The following ANO3 variants were observed in gnomAD, a reference collection of about 807,000 sequenced individuals.
ANO3 encodes the protein anoctamin 3, also known as anoctamin-3.
In ANO3, 99 loss-of-function variants were observed where a neutral mutation model predicts 144.8. The ratio of observed to expected loss-of-function variants is 0.68; its 90% CI spans 0.58 to 0.81. ANO3 has a LOEUF of 0.81. Ranked by LOEUF, ANO3 falls within the 30% of genes least tolerant of loss-of-function variation. The pLI, the probability that ANO3 is intolerant of heterozygous loss-of-function variation, is 0.00. For synonymous variants in ANO3, 414 were observed against 392.6 expected, an observed-to-expected ratio of 1.05 and a Z score of -0.64; for missense variants, 905 against 1,202.2, an observed-to-expected ratio of 0.75 and a Z score of 3.66.
At chr11:26,370,136 A>G (rs896498340) in intron 1 of ANO3, among the ~76,000 whole-genome samples, 7 of 152,208 alleles carry the variant, frequency 4.6e-5, no homozygotes, top group Non-Finnish European at 8.8e-5. Context: ...TGTAGTTCCC[A>G]TAATCTCCAC....
chr11:26,525,777 G>A (rs982030365), intron 7 of ANO3, 98 bp downstream of exon 7: 2 of 851,560 alleles, frequency 2.3e-6, no homozygotes, highest in Admixed American at 6.2e-5. Context: ...TAAATCATAG[G>A]AAGAAAAATT....
chr11:26,347,589 T>C (rs1229876822), intron 1 of ANO3, among the ~76,000 whole-genome samples: 1 of 152,012 alleles, frequency 6.6e-6, no homozygotes, highest in African/African-American at 2.4e-5. Context: ...GTTCCCATGG[T>C]GAAAATTAGT....
At chr11:26,656,299 T>G in intron 25 of ANO3, 77 bp from the exon 26 acceptor site, 1 of 1,484,264 alleles carries the variant, frequency 6.7e-7, no homozygotes, top group East Asian at 2.3e-5. Context: ...TATTTTGGCA[T>G]TTTGGCAAAT....
chr11:26,556,512 C>T (rs1850086621), intron 13 of ANO3, among the ~76,000 whole-genome samples: 1 of 151,416 alleles, frequency 6.6e-6, no homozygotes. Context: ...TCATCTAGAA[C>T]ATTTGTTAAA....
At chr11:26,253,653 C>A (rs1258030464) in intron 1 of ANO3, among the ~76,000 whole-genome samples, 2 of 151,456 alleles carry the variant, frequency 1.3e-5, no homozygotes, top group African/African-American at 4.9e-5. Context: ...ATCAAGGAAT[C>A]AAATGTTTGT....
intron 1 of ANO3, among the ~76,000 whole-genome samples, chr11:26,409,822 G>A (rs1857384300): frequency 6.6e-6 from 1 of 151,962 alleles, no homozygotes; most frequent in Non-Finnish European, 1.5e-5. Context: ...CTAGCAAAAT[G>A]ATGTAGTAAT....
intron 4 of ANO3, among the ~76,000 whole-genome samples, chr11:26,488,472 T>C (rs544537300): frequency 5.9e-5 from 9 of 152,230 alleles, no homozygotes; most frequent in Admixed American, 2.0e-4. Context: ...GGGACCCTTG[T>C]GGTGAGTGTT....
intron 23 of ANO3, among the ~76,000 whole-genome samples, chr11:26,644,480 G>A (rs1853274816): frequency 6.6e-6 from 1 of 152,104 alleles, no homozygotes; most frequent in Admixed American, 6.5e-5. Flanking sequence ...TTCTAGACTG[G>A]AGCACCTGTT....
intron 9 of ANO3, among the ~76,000 whole-genome samples, chr11:26,534,941 A>G (rs1271428497): frequency 6.6e-6 from 1 of 152,068 alleles, no homozygotes; most frequent in Non-Finnish European, 1.5e-5. Context: ...GGACTGAAAA[A>G]TAAGTTAGGC....
rs555408914 is a variant in ANO3, at chr11:26,492,739, A to G, written c.433-15365A>G. Among the ~76,000 whole-genome samples the G allele has an allele frequency of 2.0e-5, 3 of 152,336 alleles. No individual in the cohort carries two copies. The South Asian group carries it at 6.2e-4, about 32-fold the overall frequency. ...TTTCACCTATGCCTAAAATAGTAAAAGGACAGAAGAACACAAAATCAATTT... is the reference window on the plus strand; with the variant it reads ...TTTCACCTATGCCTAAAATAGTAAAGGGACAGAAGAACACAAAATCAATTT... On this transcript the variant is annotated intron_variant, in intron 4 of 26. Coordinates refer to ENST00000256737, the MANE Select transcript of ANO3 (RefSeq NM_031418.4).
chr11:26,541,976 AACC>A lies in ANO3; in HGVS notation c.1063_1065del (p.Thr355del), dbSNP rs1274258128. 1 of 1,612,256 alleles carries A rather than the reference AACC, an allele frequency of 6.2e-7. No individual in the cohort carries two copies. The highest frequency in any genetic ancestry group is 8.5e-7 in the Non-Finnish European group (1 of 1,178,896). ...CCTACAAAAGTAGCCAGCCCATTAA[AACC>A]CATGGACCTCAGAATAACAGACATC... On this transcript the variant is annotated inframe_deletion, in exon 11 of 27. Transcript: ENST00000256737.
chr11:26,404,225 A>G (rs74701995), intron 1 of ANO3, among the ~76,000 whole-genome samples: 1,955 of 151,960 alleles, frequency 0.013, 42 homozygotes, highest in African/African-American at 0.045. Context: ...AATGAATTAG[A>G]ACATGAAACT....
chr11:26,596,214 CTGTT>C (rs1851624054), intron 14 of ANO3, among the ~76,000 whole-genome samples: 1 of 152,148 alleles, frequency 6.6e-6, no homozygotes, highest in South Asian at 2.1e-4. Flanking sequence ...CTGTCTCTCT[CTGTT>C]TGACTCATCT....
chr11:26,350,090 G>A lies in ANO3; in HGVS notation c.46+17769G>A, dbSNP rs554830012. On this transcript the variant is annotated intron_variant, in intron 1 of 26. Transcript: ENST00000256737. ...GGAGACAGGAACGGAAGGGGGAGAAGAAAGAAACAGATCTATGTGGAGAAA... is the reference window on the plus strand; with the variant it reads ...GGAGACAGGAACGGAAGGGGGAGAAAAAAGAAACAGATCTATGTGGAGAAA... 1.6e-3 allele frequency among the ~76,000 whole-genome samples: 239 copies of A among 152,246 alleles called. 2 individuals are homozygous for A. Among genetic ancestry groups the A allele is most frequent in the African/African-American group, 5.6e-3 (232 of 41,532 alleles).
intron 20 of ANO3, among the ~76,000 whole-genome samples, chr11:26,636,471 A>T (rs989721720): frequency 7.9e-5 from 12 of 152,218 alleles, no homozygotes; most frequent in African/African-American, 2.9e-4. Context: ...TTGAGGGCTT[A>T]CTACATGCTA....
At chr11:26,343,340 A>G (rs1855413148) in intron 1 of ANO3, among the ~76,000 whole-genome samples, 1 of 152,218 alleles carries the variant, frequency 6.6e-6, no homozygotes, top group Admixed American at 6.5e-5. Flanking sequence ...TATTCTAAAT[A>G]ATGCTGCAGT....
chr11:26,397,874 A>AC (rs111252235), intron 1 of ANO3, among the ~76,000 whole-genome samples: 1 of 151,130 alleles, frequency 6.6e-6, no homozygotes, highest in Non-Finnish European at 1.5e-5. Flanking sequence ...ACACAGTAAG[A>AC]ATTTTTTTTG....
In ANO3 at chr11:26,586,503, C is replaced by CTTTTT. The variant is rs550057766; in HGVS notation, c.1448-11848_1448-11844dup. On this transcript the variant is annotated intron_variant, in intron 14 of 26. Transcript: ENST00000256737. ...AAGAAGGGGCTTCCCTGGTGAGAAT[C>CTTTTT]TTTTTTTTTTTTTTTTTTGAGACAT... 9.7e-3 allele frequency among the ~76,000 whole-genome samples: 788 copies of CTTTTT among 81,430 alleles called. 143 individuals are homozygous for CTTTTT. Among genetic ancestry groups the CTTTTT allele is most frequent in the African/African-American group, 0.029 (551 of 19,044 alleles). 53.4% of individuals were successfully genotyped at this position (81,430 alleles called of 152,430 possible). A position where few individuals can be genotyped will look rare whatever the true frequency, so the allele number is the denominator to read the frequency against.
chr11:26,382,014 TTCAC>T lies in ANO3; in HGVS notation c.46+49696_46+49699del, dbSNP rs768185962. 4.6e-5 allele frequency among the ~76,000 whole-genome samples: 7 copies of T among 152,312 alleles called. No homozygotes were observed. The South Asian group carries it at 6.2e-4, about 14-fold the overall frequency. ...ATTATTCTGAATTTTTATTAATACA[TTCAC>T]TCTCTATTTCATAATCTCCCTACAT... On this transcript the variant is annotated intron_variant, in intron 1 of 26. Coordinates refer to ENST00000256737, the MANE Select transcript of ANO3 (RefSeq NM_031418.4).
Sources: allele counts gnomAD v4.1 joint callset (sites outside exome capture counted in the v4.1 genomes callset), GRCh38; gene constraint gnomAD v4.1.1; transcripts MANE v1.5; gene names NCBI Gene and HGNC (gene_info 2026-07-23, HGNC 2026-07-21).